The following MKNK1 variants were observed in gnomAD, a reference collection of about 807,000 sequenced individuals.
MKNK1 encodes the protein MAPK interacting serine/threonine kinase 1, also known as MAP kinase-interacting serine/threonine-protein kinase 1.
Under a neutral mutation model 49.3 loss-of-function variants are expected in MKNK1, and 30 were observed. The ratio of observed to expected loss-of-function variants is 0.61; its 90% CI spans 0.46 to 0.83. The LOEUF is 0.83. Ranked by LOEUF, MKNK1 falls within the 40% of genes least tolerant of loss-of-function variation. The probability of loss-of-function intolerance (pLI) is 0.00; values close to 1 mark genes in which losing one functional copy is unlikely to be tolerated. For missense variants in MKNK1, 423 were observed against 524.7 expected, an observed-to-expected ratio of 0.81 and a Z score of 1.89; for synonymous variants, 176 against 201.7, an observed-to-expected ratio of 0.87 and a Z score of 1.08.
chr1:46,589,200 C>T lies in MKNK1; in HGVS notation c.-3+4913G>A, dbSNP rs183960741. On this transcript the variant is annotated intron_variant, in intron 2 of 12. Coordinates refer to ENST00000371945, the MANE Select transcript of MKNK1 (RefSeq NM_001135553.4). The surrounding 1 kb of genome is among the most constrained non-coding windows in gnomAD (Gnocchi z 4.3). ...TTAAAACAATTTCAACATAGTAGGA[C>T]AAGTGCTGGGACAGGGAGGTACCAG... is the stretch of plus-strand genomic sequence containing the variant. Among the ~76,000 whole-genome samples, 137 of 152,358 alleles carry T rather than the reference C, an allele frequency of 9.0e-4. No homozygotes were observed. Among genetic ancestry groups the T allele is most frequent in the Middle Eastern group, 6.8e-3 (2 of 294 alleles).
chr1:46,588,807 CAA>C (rs35556956), intron 2 of MKNK1, among the ~76,000 whole-genome samples: 10 of 71,264 alleles, frequency 1.4e-4, no homozygotes, highest in East Asian at 4.5e-4. Flanking sequence ...GACTCCGTCT[CAA>C]AAAAAAAAAA....
intron 6 of MKNK1, among the ~76,000 whole-genome samples, chr1:46,573,287 C>T (rs1268098141): frequency 3.9e-5 from 6 of 152,204 alleles, no homozygotes; most frequent in African/African-American, 1.4e-4. Flanking sequence ...TTGAGCCAAC[C>T]ACACTGGGTC....
intron 1 of MKNK1, 169 bp downstream of exon 1, chr1:46,604,016 C>G (rs1232194914): frequency 6.7e-6 from 1 of 148,440 alleles, no homozygotes; most frequent in Non-Finnish European, 1.5e-5. Flanking sequence ...GCAGACAGCT[C>G]GGGACAGTCC....
intron 2 of MKNK1, chr1:46,585,832 C>T (rs764817936): frequency 3.8e-6 from 4 of 1,060,158 alleles, no homozygotes; most frequent in Non-Finnish European, 5.4e-6. Context: ...GCACACGTAA[C>T]ATTAGATTTT....
intron 8 of MKNK1, among the ~76,000 whole-genome samples, chr1:46,565,620 G>A (rs1211918141): frequency 2.0e-5 from 3 of 152,150 alleles, no homozygotes; most frequent in South Asian, 4.1e-4. Flanking sequence ...AAACTCCTGC[G>A]TTCCAGGAAA....
chr1:46,565,273 G>T (rs1668867671), intron 8 of MKNK1, 137 bp from the exon 9 acceptor site: 2 of 747,634 alleles, frequency 2.7e-6, no homozygotes, highest in African/African-American at 3.5e-5. Context: ...TTGCTCTCCG[G>T]AGGTTAACAA....
At chr1:46,600,052 C>T (rs1570348505) in intron 1 of MKNK1, among the ~76,000 whole-genome samples, 1 of 152,106 alleles carries the variant, frequency 6.6e-6, no homozygotes, top group African/African-American at 2.4e-5. Context: ...GTTGCTCAAG[C>T]TGTTCCTTCT....
chr1:46,562,725 C>T lies in MKNK1; in HGVS notation c.728G>A (p.Ser243Asn). The stretch of plus-strand genomic sequence containing the variant: ...GTGACCCACGAAGGGTGGGTAGCCA[C>T]TCAGCATGATGTAGAGGACCACGCC... ...SLGVVLYIML[S>N]GYPPFVGHCG... The change falls in exon 10 of 13, where the codon AGT becomes AAT. Residue 243 changes from serine (S) to asparagine (N), a missense_variant. Transcript: ENST00000371945. 1 of 1,596,798 alleles carries T rather than the reference C, an allele frequency of 6.3e-7. No homozygotes were observed. Among genetic ancestry groups the T allele is most frequent in the Non-Finnish European group, 8.5e-7 (1 of 1,170,706 alleles).
At chr1:46,558,832 G>T in intron 12 of MKNK1, 32 bp from the exon 13 acceptor site, 1 of 1,592,206 alleles carries the variant, frequency 6.3e-7, no homozygotes, top group Non-Finnish European at 8.6e-7. Context: ...CAGAAAAGAG[G>T]GTCAGGACTC....
chr1:46,572,145 C>G lies in MKNK1; in HGVS notation c.375G>C (p.Gln125His). The G allele has an allele frequency of 6.2e-7, 1 of 1,614,082 alleles. No homozygotes were observed. Among genetic ancestry groups the G allele is most frequent in the Non-Finnish European group, 8.5e-7 (1 of 1,179,978 alleles). The change falls in exon 7 of 13, where the codon CAG (glutamine) becomes CAC (histidine). Residue 125 changes from glutamine (Q) to histidine (H), a missense_variant. Gln to His is a conservative substitution (Grantham distance 24). Coordinates refer to ENST00000371945, the MANE Select transcript of MKNK1 (RefSeq NM_001135553.4). ...LQGGSILAHI[Q>H]KQKHFNEREA... ...CTCGCTCATTGAAGTGCTTTTGCTT[C>G]TGGATGTGGGCTAAGATGGAACCTG...
chr1:46,576,920 C>T (rs1452860305), intron 4 of MKNK1, among the ~76,000 whole-genome samples: 1 of 152,198 alleles, frequency 6.6e-6, no homozygotes, highest in Non-Finnish European at 1.5e-5. Flanking sequence ...CCCCAGCTGC[C>T]CAGGGGAGAC....
At chr1:46,601,247 A>G (rs1570354454) in intron 1 of MKNK1, among the ~76,000 whole-genome samples, 1 of 152,130 alleles carries the variant, frequency 6.6e-6, no homozygotes, top group East Asian at 1.9e-4. Flanking sequence ...TCCTTTCCCC[A>G]TCTATAAAAT....
At chr1:46,585,517 A>AC (rs1672435236) in intron 2 of MKNK1, 1 of 263,182 alleles carries the variant, frequency 3.8e-6, no homozygotes, top group Non-Finnish European at 7.7e-6. Flanking sequence ...TCCAGTGGCA[A>AC]CCCGTGTCTG....
chr1:46,601,045 T>C (rs1481406254), intron 1 of MKNK1, among the ~76,000 whole-genome samples: 3 of 152,042 alleles, frequency 2.0e-5, no homozygotes, highest in African/African-American at 7.2e-5. Context: ...GCCTCCCAAA[T>C]AGTTGGGATT....
At chr1:46,592,304 C>T (rs1673449407) in intron 2 of MKNK1, among the ~76,000 whole-genome samples, 2 of 152,256 alleles carry the variant, frequency 1.3e-5, no homozygotes, top group South Asian at 4.1e-4. Context: ...GCTACTGGCA[C>T]AGTTCAGCAT....
intron 9 of MKNK1, among the ~76,000 whole-genome samples, chr1:46,563,779 C>T (rs1668467259): frequency 2.0e-5 from 3 of 152,178 alleles, no homozygotes; most frequent in African/African-American, 7.2e-5. Flanking sequence ...GGCGTGGTGG[C>T]TCACGCCTGT....
At chr1:46,566,756 A>ATTTG (rs1669140311) in intron 8 of MKNK1, among the ~76,000 whole-genome samples, 1 of 152,310 alleles carries the variant, frequency 6.6e-6, no homozygotes, top group South Asian at 2.1e-4. Flanking sequence ...GCATCTTTTC[A>ATTTG]TGTACTTGTT....
chr1:46,565,306 C>A, intron 8 of MKNK1, 170 bp from the exon 9 acceptor site: 1 of 638,066 alleles, frequency 1.6e-6, no homozygotes, highest in Non-Finnish European at 2.8e-6. Flanking sequence ...GGATTTCTTC[C>A]CAAGTGTCTT....
At chr1:46,579,541 A>T (rs11211309) in intron 4 of MKNK1, among the ~76,000 whole-genome samples, 14,889 of 152,230 alleles carry the variant, frequency 0.098, 980 homozygotes, top group East Asian at 0.23. Context: ...CTACAACAGT[A>T]GTCCTCAAGG....
Sources: gnomAD v4.1 joint callset for allele counts (sites outside exome capture counted in the v4.1 genomes callset) on GRCh38, gnomAD v4.1.1 for gene constraint, Gnocchi (gnomAD v3.1) non-coding constraint, MANE v1.5 for transcripts, NCBI Gene and HGNC (gene_info 2026-07-23, HGNC 2026-07-21) for gene names.